The following CDYL2 variants were observed in gnomAD, a reference collection of about 807,000 sequenced individuals.
CDYL2 encodes chromodomain Y like 2, also known as chromodomain Y-like protein 2.
A neutral mutation model predicts 49.4 loss-of-function variants in CDYL2; 23 were observed. The observed-to-expected ratio is 0.47, with a 90% CI of 0.34 to 0.66. The LOEUF is 0.66. Ranked by LOEUF, CDYL2 falls within the 30% of genes least tolerant of loss-of-function variation. The probability of loss-of-function intolerance (pLI) is 0.01; values close to 1 mark genes in which losing one functional copy is unlikely to be tolerated. For synonymous variants in CDYL2, 360 were observed against 268.8 expected (o/e 1.34, Z -3.32); for missense variants, 678 against 656.4 (o/e 1.03, Z -0.36).
chr16:80,662,971 A>G (rs1406784055), intron 2 of CDYL2, among the ~76,000 whole-genome samples: 1 of 152,108 alleles, frequency 6.6e-6, no homozygotes, highest in African/African-American at 2.4e-5. Flanking sequence ...TGTTGAATAA[A>G]TGAATGAGTG....
chr16:80,659,051 T>TGATG lies in CDYL2; in HGVS notation c.616+25483_616+25486dup, dbSNP rs57221086. Among the ~76,000 whole-genome samples, 1,308 of 149,956 alleles carry TGATG rather than the reference T, an allele frequency of 8.7e-3. 8 individuals are homozygous for TGATG. The highest frequency in any genetic ancestry group is 0.028 in the Middle Eastern group (8 of 288). ...CTTGAATTTGTACTCACGATAGAGG[T>TGATG]GATGGATGGATGGATGGATGGATGG... On this transcript the variant is annotated intron_variant, in intron 2 of 6. Transcript: ENST00000570137.
At chr16:80,795,939 G>T (rs1207036068) in intron 1 of CDYL2, among the ~76,000 whole-genome samples, 1 of 152,206 alleles carries the variant, frequency 6.6e-6, no homozygotes, top group Admixed American at 6.5e-5. Flanking sequence ...TTTTATAGAA[G>T]TTCAAAAGAT....
At position 80,730,228 on chromosome 16, in the gene CDYL2, G is replaced by T. The variant is rs543402619; in HGVS notation, c.25-45099C>A. On this transcript the variant is annotated intron_variant, in intron 1 of 6. Transcript: ENST00000570137. The stretch of plus-strand genomic sequence containing the variant: ...AGCAAGACTAATAAAGAAAAAAAGA[G>T]AGAAGAATCAAACAGATGCAATAAA... 5.5e-3 allele frequency among the ~76,000 whole-genome samples: 835 copies of T among 152,186 alleles called. 6 individuals are homozygous for T. Among genetic ancestry groups the T allele is most frequent in the African/African-American group, 0.019 (803 of 41,486 alleles).
intron 2 of CDYL2, chr16:80,670,998 G>A: frequency 2.2e-6 from 1 of 455,924 alleles, no homozygotes; most frequent in Non-Finnish European, 4.4e-6. Context: ...TTGTCTCCTG[G>A]GTTCTCCTCT....
At chr16:80,712,550 G>A (rs946021232) in intron 1 of CDYL2, among the ~76,000 whole-genome samples, 2 of 152,066 alleles carry the variant, frequency 1.3e-5, no homozygotes, top group African/African-American at 2.4e-5. Context: ...CAGCAGGATG[G>A]GGCAGGGGCG....
chr16:80,799,103 T>C (rs1172673592), intron 1 of CDYL2, among the ~76,000 whole-genome samples: 1 of 152,072 alleles, frequency 6.6e-6, no homozygotes, highest in Non-Finnish European at 1.5e-5. Flanking sequence ...ATTTGGTTTT[T>C]TTAAATTACA....
intron 2 of CDYL2, among the ~76,000 whole-genome samples, chr16:80,684,129 T>C (rs1910079306): frequency 6.6e-6 from 1 of 152,156 alleles, no homozygotes; most frequent in Non-Finnish European, 1.5e-5. Context: ...GGGGGCATGA[T>C]GAGGCTGCAA....
chr16:80,605,381 T>C (rs1396706972), intron 6 of CDYL2, among the ~76,000 whole-genome samples: 2 of 148,260 alleles, frequency 1.3e-5, no homozygotes, highest in Admixed American at 6.8e-5. Context: ...TAATATATAA[T>C]TATGTATATG....
At chr16:80,778,221 A>G (rs1178850329) in intron 1 of CDYL2, among the ~76,000 whole-genome samples, 2 of 152,032 alleles carry the variant, frequency 1.3e-5, no homozygotes, top group African/African-American at 4.8e-5. Flanking sequence ...GGTGAAACAA[A>G]AAGCAGTTTT....
chr16:80,607,461 C>A (rs1407688324), intron 6 of CDYL2, among the ~76,000 whole-genome samples: 1 of 152,226 alleles, frequency 6.6e-6, no homozygotes, highest in African/African-American at 2.4e-5. Flanking sequence ...CCCAAAATGC[C>A]TCTCTCAGCT....
At chr16:80,699,496 T>C (rs1017918305) in intron 1 of CDYL2, among the ~76,000 whole-genome samples, 1 of 150,040 alleles carries the variant, frequency 6.7e-6, no homozygotes, top group Admixed American at 6.7e-5. Flanking sequence ...AGAACAGTAG[T>C]TACTAGAGGC....
At chr16:80,689,037 C>T (rs1910309162) in intron 1 of CDYL2, among the ~76,000 whole-genome samples, 1 of 152,114 alleles carries the variant, frequency 6.6e-6, no homozygotes, top group African/African-American at 2.4e-5. Flanking sequence ...CAAATGGAAA[C>T]AATAATTAAT....
chr16:80,622,306 T>A (rs1248041353), intron 3 of CDYL2, among the ~76,000 whole-genome samples: 1 of 152,168 alleles, frequency 6.6e-6, no homozygotes, highest in African/African-American at 2.4e-5. Context: ...CAAGCCTATA[T>A]TCACCTAATC....
At position 80,608,095 on chromosome 16, in the gene CDYL2, G is replaced by A. The variant is rs146529911; in HGVS notation, c.1359C>T (p.Ala453=). ...LRVKEMASCS[A]VVLEESKCLV... ...CGCAGGAGGCGCAGGAACTCACCAC[G>A]GCACTGCAGGATGCCATCTCCTTGA... The change falls in exon 6 of 7, where the codon GCC becomes GCT. Residue 453 remains alanine, a synonymous_variant. Coordinates refer to ENST00000570137, the MANE Select transcript of CDYL2 (RefSeq NM_152342.4). The A allele has an allele frequency of 2.0e-5, 31 of 1,581,058 alleles. No homozygotes were observed. Among genetic ancestry groups the A allele is most frequent in the Admixed American group, 7.1e-5 (4 of 56,186 alleles).
intron 2 of CDYL2, 96 bp downstream of exon 2, chr16:80,684,442 T>C (rs1910093153): frequency 8.9e-7 from 1 of 1,124,266 alleles, no homozygotes; most frequent in East Asian, 2.4e-5. Flanking sequence ...GAGACGGGGA[T>C]GGAGGTGGGG....
chr16:80,742,102 G>C (rs1905757667), intron 1 of CDYL2: 1 of 152,184 alleles, frequency 6.6e-6, no homozygotes, highest in Non-Finnish European at 1.5e-5. Flanking sequence ...TTACAGATGA[G>C]AAAACTGAGA....
intron 1 of CDYL2, among the ~76,000 whole-genome samples, chr16:80,738,372 G>T (rs1191394222): frequency 6.6e-6 from 1 of 151,840 alleles, no homozygotes; most frequent in Non-Finnish European, 1.5e-5. Flanking sequence ...AATTCCTTGG[G>T]TATATACCCA....
chr16:80,695,481 C>T (rs1384106161), intron 1 of CDYL2, among the ~76,000 whole-genome samples: 1 of 152,146 alleles, frequency 6.6e-6, no homozygotes, highest in South Asian at 2.1e-4. Flanking sequence ...AAAAGCAATA[C>T]CCAACTACAT....
rs1905924429 is a variant in CDYL2 at position 80,598,262 on chromosome 16, G to A, written c.*6126C>T. The A allele has an allele frequency of 6.6e-6, 1 of 152,028 alleles. No homozygotes were observed. 9.4% of individuals were successfully genotyped at this position (152,028 alleles called of 1,614,324 possible). On this transcript the variant is annotated 3_prime_UTR_variant, in exon 7 of 7. Transcript: ENST00000570137. ...AAACAAGTAGCCTAATTTTGCAAAG[G>A]TCTCGGTGGATTTTGGTGTATGCTA...
Sources: allele counts gnomAD v4.1 joint callset (sites outside exome capture counted in the v4.1 genomes callset), GRCh38; gene constraint gnomAD v4.1.1; transcripts MANE v1.5; gene names NCBI Gene and HGNC (gene_info 2026-07-23, HGNC 2026-07-21).